SYT1: variants seen among roughly 807,000 people sequenced by gnomAD.
The protein encoded by SYT1 is synaptotagmin 1, also known as synaptotagmin-1.
Under a neutral mutation model 44.8 loss-of-function variants are expected in SYT1, and 8 were observed. That is an observed-to-expected ratio of 0.18 (90% CI 0.10 to 0.32). SYT1 has a LOEUF of 0.32. SYT1 is among the 10% of genes least tolerant of loss of function. The pLI is 1.00. For synonymous variants in SYT1, 154 were observed against 188.8 expected (o/e 0.82, Z 1.51); for missense variants, 286 against 509.3 (o/e 0.56, Z 4.22).
chr12:79,365,962 T>C (rs1428480837), intron 9 of SYT1, among the ~76,000 whole-genome samples: 1 of 151,900 alleles, frequency 6.6e-6, no homozygotes, highest in African/African-American at 2.4e-5. Flanking sequence ...CTTGAAAAGA[T>C]ATGTGACAGT....
intron 4 of SYT1, among the ~76,000 whole-genome samples, chr12:79,276,244 A>C (rs1030249774): frequency 6.6e-6 from 1 of 152,216 alleles, no homozygotes; most frequent in African/African-American, 2.4e-5. Flanking sequence ...CCAGATAAAG[A>C]ATTCAAAAAA....
At chr12:79,116,033 C>A (rs1331918330) in intron 3 of SYT1, among the ~76,000 whole-genome samples, 1 of 152,172 alleles carries the variant, frequency 6.6e-6, no homozygotes, top group East Asian at 1.9e-4. Flanking sequence ...TTGTTTGATA[C>A]CTGGTTCTGT....
intron 3 of SYT1, among the ~76,000 whole-genome samples, chr12:79,178,931 T>G (rs866797832): frequency 2.1e-4 from 11 of 51,732 alleles, no homozygotes; most frequent in African/African-American, 1.9e-3. Flanking sequence ...TAGATATATC[T>G]ATATAGATAT....
At chr12:79,389,866 C>T (rs911917971) in intron 9 of SYT1, among the ~76,000 whole-genome samples, 14 of 152,090 alleles carry the variant, frequency 9.2e-5, no homozygotes, top group Admixed American at 4.6e-4. Flanking sequence ...ACTCTAGCTA[C>T]CCAATGCAAA....
chr12:79,385,951 C>T (rs1884418876), intron 9 of SYT1, among the ~76,000 whole-genome samples: 1 of 152,122 alleles, frequency 6.6e-6, no homozygotes, highest in Non-Finnish European at 1.5e-5. Context: ...AAAAGGAAAA[C>T]AAACTTTGTT....
At chr12:79,385,384 A>C (rs779136393) in intron 9 of SYT1, among the ~76,000 whole-genome samples, 3 of 152,184 alleles carry the variant, frequency 2.0e-5, no homozygotes, top group Non-Finnish European at 2.9e-5. Context: ...AGTTACTGGA[A>C]ATGCATTCTT....
rs1445624051 is a variant in SYT1 at position 78,996,250 on chromosome 12, A to G, written c.-84+18319A>G. Among the ~76,000 whole-genome samples the G allele has an allele frequency of 2.0e-5, 3 of 152,216 alleles. No homozygotes were observed. The East Asian group carries it at 5.8e-4, about 29-fold the overall frequency. On this transcript the variant is annotated intron_variant, in intron 2 of 10. Transcript: ENST00000261205. ...GTATTAATAGTAATTTTCAATGAATATAATATCCAGCTGCTCTCAAGAGAA... is the reference window on the plus strand; with the variant it reads ...GTATTAATAGTAATTTTCAATGAATGTAATATCCAGCTGCTCTCAAGAGAA...
intron 9 of SYT1, chr12:79,392,741 A>G (rs1884707344): frequency 6.8e-6 from 1 of 147,728 alleles, no homozygotes; most frequent in Admixed American, 7.0e-5. Context: ...CCATGTCTGA[A>G]GAGGCAATCC....
At chr12:79,243,618 A>C (rs1490663682) in intron 4 of SYT1, among the ~76,000 whole-genome samples, 1 of 152,140 alleles carries the variant, frequency 6.6e-6, no homozygotes, top group Non-Finnish European at 1.5e-5. Context: ...CTCTAAAACT[A>C]AAGTCACTCC....
chr12:79,343,032 C>A (rs190045550), intron 8 of SYT1, among the ~76,000 whole-genome samples: 1 of 152,170 alleles, frequency 6.6e-6, no homozygotes, highest in Admixed American at 6.5e-5. Context: ...AAAGGGAGAC[C>A]AAGAGTGAGT....
chr12:79,418,824 G>A (rs764775615), intron 9 of SYT1, among the ~76,000 whole-genome samples: 4 of 152,206 alleles, frequency 2.6e-5, no homozygotes, highest in Non-Finnish European at 4.4e-5. Context: ...ATCAGAGCCC[G>A]AGAGATAAGA....
intron 9 of SYT1, among the ~76,000 whole-genome samples, chr12:79,378,830 T>C (rs1884104389): frequency 6.6e-6 from 1 of 152,180 alleles, no homozygotes; most frequent in Non-Finnish European, 1.5e-5. Context: ...AAGCATTAAA[T>C]GTCATAAATA....
At chr12:79,310,830 G>A (rs546280254) in intron 8 of SYT1, among the ~76,000 whole-genome samples, 11 of 152,316 alleles carry the variant, frequency 7.2e-5, no homozygotes, top group African/African-American at 2.6e-4. Context: ...TGTTATTGGT[G>A]TATAAGAATG....
intron 9 of SYT1, among the ~76,000 whole-genome samples, chr12:79,440,062 C>G (rs1870320584): frequency 6.6e-6 from 1 of 152,088 alleles, no homozygotes; most frequent in South Asian, 2.1e-4. Flanking sequence ...CCCGTCTCTA[C>G]TAAAAATACA....
intron 3 of SYT1, among the ~76,000 whole-genome samples, chr12:79,202,226 A>C (rs1267543691): frequency 1.3e-5 from 2 of 152,202 alleles, no homozygotes; most frequent in Non-Finnish European, 2.9e-5. Context: ...CAATGGCATT[A>C]AGTCCAGGCA....
chr12:79,039,585 C>T (rs1263404663), intron 2 of SYT1, among the ~76,000 whole-genome samples: 1 of 151,254 alleles, frequency 6.6e-6, no homozygotes, highest in Non-Finnish European at 1.5e-5. Flanking sequence ...GATTCTACCA[C>T]ATTTTTTATT....
At chr12:79,001,506 G>T (rs1247791973) in intron 2 of SYT1, among the ~76,000 whole-genome samples, 1 of 152,122 alleles carries the variant, frequency 6.6e-6, no homozygotes, top group Non-Finnish European at 1.5e-5. Flanking sequence ...GAAGACTAAA[G>T]ATGTTACACT....
At chr12:79,389,671 T>C (rs1476526707) in intron 9 of SYT1, among the ~76,000 whole-genome samples, 2 of 152,222 alleles carry the variant, frequency 1.3e-5, no homozygotes, top group African/African-American at 4.8e-5. Flanking sequence ...ACATTTATAT[T>C]CAGGTTTCTT....
intron 9 of SYT1, among the ~76,000 whole-genome samples, chr12:79,391,196 C>T (rs12579802): frequency 0.14 from 21,569 of 152,060 alleles, 1,915 homozygotes; most frequent in Middle Eastern, 0.34. Context: ...TTCTGGGGGG[C>T]ATTTGTTAAA....
Sources: gnomAD v4.1 joint callset for allele counts (sites outside exome capture counted in the v4.1 genomes callset) on GRCh38, gnomAD v4.1.1 for gene constraint, MANE v1.5 for transcripts, NCBI Gene and HGNC (gene_info 2026-07-23, HGNC 2026-07-21) for gene names.